EFTUD2: variants seen among roughly 807,000 people sequenced by gnomAD.
The protein encoded by EFTUD2 is 116 kDa U5 small nuclear ribonucleoprotein component.
In EFTUD2, 9 loss-of-function variants were observed where a neutral mutation model predicts 114.3. The observed-to-expected ratio is 0.08, with a 90% CI of 0.05 to 0.14. The LOEUF (loss-of-function observed/expected upper bound fraction) is 0.14. Among genes scored for constraint, EFTUD2 ranks in the 10% least tolerant of loss-of-function variants. The probability of loss-of-function intolerance (pLI) is 1.00; values close to 1 mark genes in which losing one functional copy is unlikely to be tolerated. For missense variants in EFTUD2, 765 were observed against 1,241.2 expected (o/e 0.62, Z 5.76); for synonymous variants, 449 against 462.3 (o/e 0.97, Z 0.37).
intron 1 of EFTUD2, among the ~76,000 whole-genome samples, chr17:44,897,296 G>A (rs1020566950): frequency 1.5e-4 from 23 of 149,400 alleles, no homozygotes; most frequent in Non-Finnish European, 2.5e-4. Flanking sequence ...TGCCATCCTT[G>A]ATCATGAGAA....
intron 1 of EFTUD2, 110 bp from the exon 2 acceptor site, chr17:44,894,635 T>G: frequency 1.3e-6 from 1 of 760,032 alleles, no homozygotes; most frequent in Non-Finnish European, 2.3e-6. Context: ...CCCTTTCACA[T>G]GCCTCCTCTC....
chr17:44,853,721 G>A (rs1433902905), intron 23 of EFTUD2, 86 bp from the exon 24 acceptor site: 2 of 1,581,064 alleles, frequency 1.3e-6, no homozygotes, highest in East Asian at 2.3e-5. Flanking sequence ...CTGCAACACT[G>A]CAGCTGTCTT....
intron 20 of EFTUD2, 91 bp from the exon 21 acceptor site, chr17:44,855,095 G>A: frequency 8.2e-7 from 1 of 1,212,624 alleles, no homozygotes; most frequent in Admixed American, 1.7e-5. Flanking sequence ...GACAGCTGAG[G>A]AAGTGACATC....
intron 11 of EFTUD2, among the ~76,000 whole-genome samples, chr17:44,871,538 A>G (rs74482312): frequency 0.11 from 16,246 of 149,680 alleles, 875 homozygotes; most frequent in Middle Eastern, 0.26. Context: ...ACGGGATTTC[A>G]CCGTGTTAGC....
At position 44,867,961 on chromosome 17, in the gene EFTUD2, C is replaced by G. The variant is rs548538535; in HGVS notation, c.1059-64G>C. On this transcript the variant is annotated intron_variant, in intron 12 of 27. Coordinates refer to ENST00000426333, the MANE Select transcript of EFTUD2 (RefSeq NM_004247.4). ...AGGCACTATCACTGATCCCAAGAGG[C>G]ATTGTCTAAGTGCTGAATCTGAACA... The G allele has an allele frequency of 2.2e-5, 32 of 1,451,134 alleles. No individual in the cohort carries two copies. The South Asian group carries it at 4.1e-4, about 19-fold the overall frequency. The allele number at this position is 1,451,134 out of a possible 1,614,324, so 89.9% of individuals were successfully genotyped here.
intron 9 of EFTUD2, among the ~76,000 whole-genome samples, chr17:44,876,872 A>AAAAAC (rs1430496761): frequency 1.8e-4 from 27 of 150,298 alleles, no homozygotes; most frequent in Admixed American, 4.6e-4. Flanking sequence ...AAAAAAAAAA[A>AAAAAC]AAAAAAAAAC....
At position 44,850,257 on chromosome 17, in the gene EFTUD2, C is replaced by T; in HGVS notation, c.*1017G>A. 1 of 1,189,292 alleles carries T rather than the reference C, an allele frequency of 8.4e-7. No homozygotes were observed. Among genetic ancestry groups the T allele is most frequent in the East Asian group, 2.4e-5 (1 of 42,122 alleles). 73.7% of individuals were successfully genotyped at this position (1,189,292 alleles called of 1,614,324 possible). A position where few individuals can be genotyped will look rare whatever the true frequency, so the allele number is the denominator to read the frequency against. On this transcript the variant is annotated 3_prime_UTR_variant, in exon 28 of 28. Coordinates refer to ENST00000426333, the MANE Select transcript of EFTUD2 (RefSeq NM_004247.4). ...TCAAGGGAGCAGCTAGAGGTGAACCCCTAGGACGCCTGAGAGCCAGAGGAC... is the reference window on the plus strand; with the variant it reads ...TCAAGGGAGCAGCTAGAGGTGAACCTCTAGGACGCCTGAGAGCCAGAGGAC...
chr17:44,853,751 T>C (rs1476219310), intron 23 of EFTUD2, 116 bp from the exon 24 acceptor site: 1 of 1,531,212 alleles, frequency 6.5e-7, no homozygotes, highest in Admixed American at 2.0e-5. Flanking sequence ...AAAGACATGG[T>C]ACAGAAATCA....
Position 44,854,788 on chromosome 17 carries a change from T to A in EFTUD2, c.2133-106A>T. The A allele has an allele frequency of 6.3e-7, 1 of 1,577,284 alleles. No individual in the cohort carries two copies. Among genetic ancestry groups the A allele is most frequent in the East Asian group, 2.2e-5 (1 of 44,520 alleles). ...AAGACAGTCACTTCATCCTACCCACTGTGCCCAGAACAAGAGCAAAGGCAA... is the reference window on the plus strand; with the variant it reads ...AAGACAGTCACTTCATCCTACCCACAGTGCCCAGAACAAGAGCAAAGGCAA... On this transcript the variant is annotated intron_variant, in intron 21 of 27. Transcript: ENST00000426333. This position sits in a 1 kb window ranked among gnomAD's most constrained non-coding sequence, Gnocchi z 4.3.
intron 18 of EFTUD2, chr17:44,859,519 T>G: frequency 2.0e-6 from 1 of 501,846 alleles, no homozygotes; most frequent in Non-Finnish European, 3.6e-6. Context: ...GGCAGGCTCA[T>G]AGTGTACAAG....
At chr17:44,896,470 A>G (rs555432781) in intron 1 of EFTUD2, among the ~76,000 whole-genome samples, 17 of 152,278 alleles carry the variant, frequency 1.1e-4, no homozygotes, top group African/African-American at 3.1e-4. Context: ...ACACAGTGAA[A>G]CCCCGTCTCT....
intron 1 of EFTUD2, 81 bp from the exon 2 acceptor site, chr17:44,894,606 G>T: frequency 9.3e-7 from 1 of 1,073,850 alleles, no homozygotes; most frequent in Non-Finnish European, 1.4e-6. Context: ...TCTAGTCTTA[G>T]TCTTATGGTT....
At chr17:44,880,739 G>A in intron 7 of EFTUD2, 95 bp from the exon 8 acceptor site, 1 of 886,422 alleles carries the variant, frequency 1.1e-6, no homozygotes, top group Non-Finnish European at 1.8e-6. Flanking sequence ...TTACACTGAT[G>A]CCTCTCCTTA....
chr17:44,891,418 T>C (rs2051276512), intron 2 of EFTUD2, among the ~76,000 whole-genome samples: 2 of 152,184 alleles, frequency 1.3e-5, no homozygotes, highest in Admixed American at 6.5e-5. Flanking sequence ...GGCATGACCA[T>C]AGCTCACCAC....
At chr17:44,865,163 T>G in intron 13 of EFTUD2, 98 bp from the exon 14 acceptor site, 1 of 1,505,078 alleles carries the variant, frequency 6.6e-7, no homozygotes. Flanking sequence ...GAAGAACTCC[T>G]TCACAAGGCT....
intron 4 of EFTUD2, among the ~76,000 whole-genome samples, 177 bp downstream of exon 4, chr17:44,885,079 A>T (rs1474843222): frequency 6.6e-6 from 1 of 152,246 alleles, no homozygotes; most frequent in African/African-American, 2.4e-5. Flanking sequence ...ATGAACACCA[A>T]GAGAAAAGTT....
At chr17:44,852,338 G>A in intron 26 of EFTUD2, 71 bp downstream of exon 26, 1 of 1,590,978 alleles carries the variant, frequency 6.3e-7, no homozygotes, top group Non-Finnish European at 8.6e-7. Flanking sequence ...CTTGGAGAGG[G>A]ATCAGGACAG....
At chr17:44,862,682 G>C (rs1002651155) in intron 16 of EFTUD2, 31 bp downstream of exon 16, 2 of 1,595,866 alleles carry the variant, frequency 1.3e-6, no homozygotes, top group Non-Finnish European at 1.7e-6. Context: ...TAGACACCAA[G>C]GCATACTCCT....
At chr17:44,864,793 T>A (rs1487300568) in intron 14 of EFTUD2, 137 bp downstream of exon 14, 1 of 1,329,704 alleles carries the variant, frequency 7.5e-7, no homozygotes, top group Non-Finnish European at 1.0e-6. Flanking sequence ...AACACCAGTG[T>A]TCTGCATCTG....
Sources: gnomAD v4.1 joint callset for allele counts (sites outside exome capture counted in the v4.1 genomes callset) on GRCh38, gnomAD v4.1.1 for gene constraint, Gnocchi (gnomAD v3.1) non-coding constraint, MANE v1.5 for transcripts, NCBI Gene and HGNC (gene_info 2026-07-23, HGNC 2026-07-21) for gene names.